The following SV2C variants were observed in gnomAD, a reference collection of about 807,000 sequenced individuals.
SV2C encodes synaptic vesicle glycoprotein 2C.
Under a neutral mutation model 79.7 loss-of-function variants are expected in SV2C, and 49 were observed. The ratio of observed to expected loss-of-function variants is 0.61; its 90% CI spans 0.49 to 0.78. SV2C has a LOEUF of 0.78. Among genes scored for constraint, SV2C ranks in the 30% least tolerant of loss-of-function variants. The probability of loss-of-function intolerance (pLI) is 0.00; values close to 1 mark genes in which losing one functional copy is unlikely to be tolerated. For missense variants in SV2C, 833 were observed against 912.9 expected, an observed-to-expected ratio of 0.91 and a Z score of 1.13; for synonymous variants, 334 against 333.2, an observed-to-expected ratio of 1.00 and a Z score of -0.03.
At chr5:75,911,790 C>T in the SV2C span, 2 of 587,766 alleles carry the variant, frequency 3.4e-6, no homozygotes, top group African/African-American at 3.7e-5. Context: ...AGCTTTAAGT[C>T]TCCACAGTAC....
chr5:76,068,250 C>CAGG, the SV2C span, among the ~76,000 whole-genome samples: 1 of 152,048 alleles, frequency 6.6e-6, no homozygotes, highest in African/African-American at 2.4e-5. Flanking sequence ...TCTAAAGAGT[C>CAGG]AGGAGTGGGT....
At chr5:76,059,205 T>C in the SV2C span, among the ~76,000 whole-genome samples, 1 of 152,052 alleles carries the variant, frequency 6.6e-6, no homozygotes, top group Non-Finnish European at 1.5e-5. Context: ...CCACTCAGGG[T>C]GGTGATTGCT....
chr5:76,018,444 A>C, the SV2C span, among the ~76,000 whole-genome samples: 1 of 152,172 alleles, frequency 6.6e-6, no homozygotes, highest in Non-Finnish European at 1.5e-5. Flanking sequence ...ATAAACGTAA[A>C]GGGGTTTTTC....
intron 2 of SV2C, among the ~76,000 whole-genome samples, chr5:76,144,638 A>G (rs1749362708): frequency 1.3e-5 from 2 of 152,182 alleles, no homozygotes; most frequent in Admixed American, 1.3e-4. Context: ...ACCTGAGGAG[A>G]TACAAAAGGA....
At chr5:75,891,697 C>T in the SV2C span, among the ~76,000 whole-genome samples, 3 of 152,066 alleles carry the variant, frequency 2.0e-5, no homozygotes, top group Non-Finnish European at 2.9e-5. Context: ...AATCCATTTT[C>T]TTTCATTTGA....
chr5:75,988,839 T>C, the SV2C span, among the ~76,000 whole-genome samples: 1 of 151,956 alleles, frequency 6.6e-6, no homozygotes, highest in Non-Finnish European at 1.5e-5. Context: ...ACAGACAGGA[T>C]AGAAATTCTC....
At chr5:76,240,378 A>G (rs62361388) in intron 4 of SV2C, among the ~76,000 whole-genome samples, 23 of 152,188 alleles carry the variant, frequency 1.5e-4, no homozygotes, top group Non-Finnish European at 2.8e-4. Flanking sequence ...CCAACATTTT[A>G]CCCCAAGCAT....
the SV2C span, among the ~76,000 whole-genome samples, chr5:75,997,812 A>T: frequency 9.2e-5 from 14 of 152,146 alleles, no homozygotes; most frequent in Non-Finnish European, 1.9e-4. Flanking sequence ...AACTAGAAAT[A>T]CCATTTGACC....
the SV2C span, among the ~76,000 whole-genome samples, chr5:75,904,123 T>C: frequency 6.6e-6 from 1 of 152,212 alleles, no homozygotes. Context: ...AGCTCAGTAA[T>C]GGATGTTTGG....
chr5:75,860,741 T>TA, the SV2C span, among the ~76,000 whole-genome samples: 2 of 151,996 alleles, frequency 1.3e-5, no homozygotes, highest in Admixed American at 6.6e-5. Flanking sequence ...CAAAAACACA[T>TA]AGACTACTGG....
chr5:76,035,954 G>A, the SV2C span, among the ~76,000 whole-genome samples: 1 of 152,076 alleles, frequency 6.6e-6, no homozygotes, highest in Non-Finnish European at 1.5e-5. Context: ...TATATATTTA[G>A]GATAGTTAGC....
chr5:75,970,233 A>G, the SV2C span, among the ~76,000 whole-genome samples: 2 of 152,118 alleles, frequency 1.3e-5, no homozygotes, highest in East Asian at 3.8e-4. Flanking sequence ...AAAGATCTAA[A>G]ATTGACACTC....
intron 4 of SV2C, among the ~76,000 whole-genome samples, chr5:76,254,024 T>C (rs1746190717): frequency 6.6e-6 from 1 of 152,028 alleles, no homozygotes; most frequent in Admixed American, 6.6e-5. Context: ...CTCACACCTG[T>C]AATCCAAGCA....
intron 2 of SV2C, among the ~76,000 whole-genome samples, chr5:76,187,655 T>G (rs1392271861): frequency 1.3e-5 from 2 of 151,974 alleles, no homozygotes; most frequent in Non-Finnish European, 2.9e-5. Flanking sequence ...GAACACATAA[T>G]GGCCCCTACT....
At chr5:76,177,122 A>AG (rs1359186553) in intron 2 of SV2C, among the ~76,000 whole-genome samples, 3 of 149,740 alleles carry the variant, frequency 2.0e-5, no homozygotes, top group African/African-American at 7.3e-5. Flanking sequence ...CTCAAAAAAA[A>AG]AACAACAAAA....
At chr5:75,864,872 A>G in the SV2C span, among the ~76,000 whole-genome samples, 3 of 152,224 alleles carry the variant, frequency 2.0e-5, no homozygotes, top group African/African-American at 7.2e-5. Flanking sequence ...AGTGACATGG[A>G]AAGCTACCAG....
chr5:76,105,808 A>C (rs1039076898), intron 1 of SV2C, among the ~76,000 whole-genome samples: 2 of 152,034 alleles, frequency 1.3e-5, no homozygotes, highest in African/African-American at 4.8e-5. Flanking sequence ...CCTGCCACCT[A>C]GGTACCTCCT....
chr5:76,094,760 A>G (rs73130220), intron 1 of SV2C, among the ~76,000 whole-genome samples: 3,460 of 152,114 alleles, frequency 0.023, 139 homozygotes, highest in African/African-American at 0.08. Context: ...GTGTCTGTTT[A>G]TATATTTTGC....
chr5:76,013,591 G>A, the SV2C span, among the ~76,000 whole-genome samples: 5 of 152,026 alleles, frequency 3.3e-5, no homozygotes, highest in South Asian at 2.1e-4. Flanking sequence ...ATTTGGATAC[G>A]CTTTATTTCT....
Sources: allele counts gnomAD v4.1 joint callset (sites outside exome capture counted in the v4.1 genomes callset), GRCh38; gene constraint gnomAD v4.1.1; transcripts MANE v1.5; gene names NCBI Gene and HGNC (gene_info 2026-07-23, HGNC 2026-07-21).